The following MTSS2 variants were observed in gnomAD, a reference collection of about 807,000 sequenced individuals.
MTSS2 encodes the protein protein MTSS 2.
In MTSS2, 27 loss-of-function variants were observed where a neutral mutation model predicts 67.1. The ratio of observed to expected loss-of-function variants is 0.40; its 90% CI spans 0.30 to 0.55. The LOEUF is 0.55. Ranked by LOEUF, MTSS2 falls within the 20% of genes least tolerant of loss-of-function variation. MTSS2 has a pLI of 0.43. For missense variants in MTSS2, 1,171 were observed against 1,067.8 expected, an observed-to-expected ratio of 1.10 and a Z score of -1.35; for synonymous variants, 624 against 468.6, an observed-to-expected ratio of 1.33 and a Z score of -4.28.
intron 11 of MTSS2, among the ~76,000 whole-genome samples, chr16:70,668,468 T>A (rs1252367088): frequency 1.3e-5 from 2 of 151,522 alleles, no homozygotes; most frequent in Non-Finnish European, 2.9e-5. Context: ...TGGTGTGGCA[T>A]TGGTATAAGG....
At chr16:70,680,263 C>T (rs985094063) in intron 3 of MTSS2, among the ~76,000 whole-genome samples, 1 of 152,118 alleles carries the variant, frequency 6.6e-6, no homozygotes, top group Admixed American at 6.5e-5. Context: ...GCGCCAGCCT[C>T]CTGCGGCGGC....
At position 70,678,411 on chromosome 16, in the gene MTSS2, T is replaced by G. The variant is rs1290463096; in HGVS notation, c.467-2A>C. 2 of 1,608,240 alleles carry G rather than the reference T, an allele frequency of 1.2e-6. No individual in the cohort carries two copies. The highest frequency in any genetic ancestry group is 1.7e-6 in the Non-Finnish European group (2 of 1,177,426). The stretch of plus-strand genomic sequence containing the variant: ...GCTGGGGCTGCAGGTCTCCTTTCCC[T>G]GGAGGGGTGGGGAGGAGAGGCCTTG... On this transcript the variant is annotated splice_acceptor_variant, in intron 7 of 14. Transcript: ENST00000338779. LOFTEE classifies it high-confidence loss of function.
Position 70,662,712 on chromosome 16 carries a change from C to T in MTSS2, c.*965G>A, listed in dbSNP as rs778669807. ...CCAGACACACACCCTGTATCGTCCC[C>T]TCTCCCCCACACTTAGTCCTCGTCC... On this transcript the variant is annotated 3_prime_UTR_variant, in exon 15 of 15. Coordinates refer to ENST00000338779, the MANE Select transcript of MTSS2 (RefSeq NM_138383.3). The T allele has an allele frequency of 6.5e-6, 1 of 152,674 alleles. No homozygotes were observed. Among genetic ancestry groups the T allele is most frequent in the African/African-American group, 2.4e-5 (1 of 41,414 alleles). The allele number at this position is 152,674 out of a possible 1,614,324, so 9.5% of individuals were successfully genotyped here.
chr16:70,670,174 G>C (rs370600888), intron 11 of MTSS2, among the ~76,000 whole-genome samples: 1 of 152,174 alleles, frequency 6.6e-6, no homozygotes, highest in Non-Finnish European at 1.5e-5. Flanking sequence ...GGGAGTCTGA[G>C]GCAGGACAAT....
At chr16:70,665,919 C>T (rs1227141767) in intron 11 of MTSS2, 2 of 189,390 alleles carry the variant, frequency 1.1e-5, no homozygotes, top group Admixed American at 5.6e-5. Flanking sequence ...AGACAGGACA[C>T]GGGGGAAGTG....
At position 70,661,789 on chromosome 16, in the gene MTSS2, C is replaced by T. The variant is rs2052483105; in HGVS notation, c.*1888G>A. 1 of 179,252 alleles carries T rather than the reference C, an allele frequency of 5.6e-6. No homozygotes were observed. Among genetic ancestry groups the T allele is most frequent in the African/African-American group, 2.4e-5 (1 of 41,662 alleles). 11.1% of individuals were successfully genotyped at this position (179,252 alleles called of 1,614,324 possible). A position where few individuals can be genotyped will look rare whatever the true frequency, so the allele number is the denominator to read the frequency against. ...GCCCCTGCCTCCTTTCCCATCAGGA[C>T]CTCTGACGCCCAGGTCTGCCCACCC... On this transcript the variant is annotated 3_prime_UTR_variant, in exon 15 of 15. Transcript: ENST00000338779.
In MTSS2 at chr16:70,663,841, G is replaced by T. The variant is rs527323734; in HGVS notation, c.2080C>A (p.Pro694Thr). The change falls in exon 15 of 15, where the codon CCC becomes ACC. Residue 694 changes from proline (P) to threonine (T), a missense_variant. Physicochemically the swap from Pro to Thr is conservative, Grantham distance 38. Coordinates refer to ENST00000338779, the MANE Select transcript of MTSS2 (RefSeq NM_138383.3). Reference protein sequence around the residue: ...GAHALGEGQFPFPTALSATPT... With the variant: ...GAHALGEGQFTFPTALSATPT... ...GTGGCCGACAGAGCAGTGGGGAAGG[G>T]GAACTGGCCCTCACCCAGTGCGTGG... 3 of 1,540,700 alleles carry T rather than the reference G, an allele frequency of 1.9e-6. No individual in the cohort carries two copies. The South Asian group carries it at 3.6e-5, about 18-fold the overall frequency.
intron 4 of MTSS2, 30 bp downstream of exon 4, chr16:70,679,941 C>T (rs759398557): frequency 1.3e-6 from 2 of 1,486,370 alleles, no homozygotes; most frequent in Non-Finnish European, 1.8e-6. Flanking sequence ...CGTCCCCCCG[C>T]CCCCCTGCCC....
At position 70,664,158 on chromosome 16, in the gene MTSS2, G is replaced by A. The variant is rs755462362; in HGVS notation, c.1763C>T (p.Pro588Leu). The A allele has an allele frequency of 2.9e-5, 47 of 1,606,972 alleles. No homozygotes were observed. The African/African-American group carries it at 3.1e-4, about 10-fold the overall frequency. ...GGGCGTCTTCACAGGGACGATGGGC[G>A]GCCGGATGGGGATGGGGCCAGCGCT... Reference protein sequence around the residue: ...LSSAGPIPIRPPIVPVKTPTV... With the variant: ...LSSAGPIPIRLPIVPVKTPTV... Residue 588 changes from proline (P) to leucine (L), a missense_variant, in exon 15 of 15, where the codon CCG (proline) becomes CTG (leucine). Coordinates refer to ENST00000338779, the MANE Select transcript of MTSS2 (RefSeq NM_138383.3).
chr16:70,684,161 G>A (rs2053385276), intron 1 of MTSS2, among the ~76,000 whole-genome samples: 1 of 152,192 alleles, frequency 6.6e-6, no homozygotes, highest in South Asian at 2.1e-4. Context: ...GCTGCCAGTG[G>A]TGGTGGGTGG....
rs950102455 is a variant in MTSS2 at position 70,664,062 on chromosome 16, T to A, written c.1859A>T (p.Asp620Val). The A allele has an allele frequency of 1.9e-6, 3 of 1,611,168 alleles. No homozygotes were observed. Among genetic ancestry groups the A allele is most frequent in the Non-Finnish European group, 2.5e-6 (3 of 1,179,360 alleles). The change falls in exon 15 of 15, where the codon GAC becomes GTC. Residue 620 changes from aspartate to valine, a missense_variant. Asp to Val is a radical substitution (Grantham distance 152, BLOSUM62 -3). Transcript: ENST00000338779. The part of the protein sequence containing the change: ...AGSEECVFYT[D>V]ETASPLAPDL... ...CGGTGCCAGGGGTGAGGCGGTCTCG[T>A]CGGTATAGAAGACGCACTCCTCACT... is the stretch of plus-strand genomic sequence containing the variant.
At chr16:70,685,334 G>A (rs1203169167) in intron 1 of MTSS2, among the ~76,000 whole-genome samples, 1 of 152,300 alleles carries the variant, frequency 6.6e-6, no homozygotes, top group African/African-American at 2.4e-5. Context: ...TCTGGGCTCC[G>A]GGGCCGTGGG....
At position 70,664,672 on chromosome 16, in the gene MTSS2, G is replaced by A. The variant is rs1470762293; in HGVS notation, c.1397C>T (p.Ser466Leu). The A allele has an allele frequency of 1.9e-6, 3 of 1,613,258 alleles. No individual in the cohort carries two copies. The highest frequency in any genetic ancestry group is 2.5e-6 in the Non-Finnish European group (3 of 1,179,924). The change falls in exon 14 of 15, where the codon TCG becomes TTG. Residue 466 changes from serine (S) to leucine (L), a missense_variant. By Grantham distance (145) the Ser-to-Leu change is moderately radical. This residue lies in a region of MTSS2 where 924 missense variants were observed against 756.0 expected (regional missense o/e 1.22). Transcript: ENST00000338779. ...GCTGTAGCCGCTGGAGTACTGCAGC[G>A]AGTCCCGGCTGCTCTTCTGGTGCTC... ...SLEHQKSSRD[S>L]LQYSSGYSTQ...
Position 70,678,276 on chromosome 16 carries a change from G to A in MTSS2, c.600C>T (p.Phe200=). The A allele has an allele frequency of 6.2e-7, 1 of 1,611,058 alleles. No homozygotes were observed. The highest frequency in any genetic ancestry group is 1.1e-5 in the South Asian group (1 of 90,984). The change falls in exon 8 of 15, where the codon TTC becomes TTT. Residue 200 remains phenylalanine (F), a synonymous_variant. Transcript: ENST00000338779. ...CCACCACAGGCTGCAGGAAGGTGAT[G>A]AAGGTGCAGAAGCGGCCCCGCTCCT... ...LIEERGRFCT[F]ITFLQPVVNG...
chr16:70,668,048 G>A (rs547905512), intron 11 of MTSS2, among the ~76,000 whole-genome samples: 3 of 149,708 alleles, frequency 2.0e-5, no homozygotes, highest in Non-Finnish European at 3.0e-5. Flanking sequence ...GGAAAGGGCC[G>A]AAAATAGACA....
Position 70,664,132 on chromosome 16 carries a change from T to G in MTSS2, c.1789A>C (p.Thr597Pro). Residue 597 changes from threonine (T) to proline (P), a missense_variant, in exon 15 of 15, where the codon ACG (threonine) becomes CCG (proline). Transcript: ENST00000338779. ...RPPIVPVKTP[T>P]VPDSPGYMGP... Reference sequence around the variant, plus strand: ...ATGTAGCCGGGGGAGTCAGGCACCGTGGGCGTCTTCACAGGGACGATGGGC... The same window carrying G: ...ATGTAGCCGGGGGAGTCAGGCACCGGGGGCGTCTTCACAGGGACGATGGGC... 1 of 1,610,544 alleles carries G rather than the reference T, an allele frequency of 6.2e-7. No individual in the cohort carries two copies. The highest frequency in any genetic ancestry group is 2.2e-5 in the East Asian group (1 of 44,834).
Position 70,662,797 on chromosome 16 carries a change from C to T in MTSS2, c.*880G>A, listed in dbSNP as rs2052535119. 1 of 152,628 alleles carries T rather than the reference C, an allele frequency of 6.6e-6. No homozygotes were observed. The highest frequency in any genetic ancestry group is 2.4e-5 in the African/African-American group (1 of 41,464). 9.5% of individuals were successfully genotyped at this position (152,628 alleles called of 1,614,324 possible). On this transcript the variant is annotated 3_prime_UTR_variant, in exon 15 of 15. Coordinates refer to ENST00000338779, the MANE Select transcript of MTSS2 (RefSeq NM_138383.3). Reference sequence around the variant, plus strand: ...ACCCCACACCTCCTACTGCTCCAGTCACCCCCCGAAAGGTGGCTAAAACTG... The same window carrying T: ...ACCCCACACCTCCTACTGCTCCAGTTACCCCCCGAAAGGTGGCTAAAACTG...
chr16:70,683,736 G>C (rs1418975721), intron 1 of MTSS2, among the ~76,000 whole-genome samples: 1 of 152,164 alleles, frequency 6.6e-6, no homozygotes, highest in African/African-American at 2.4e-5. Flanking sequence ...GGCCTCACGG[G>C]GCAAGCTCAG....
chr16:70,669,578 G>A (rs548964493), intron 11 of MTSS2, among the ~76,000 whole-genome samples: 1 of 152,248 alleles, frequency 6.6e-6, no homozygotes, highest in South Asian at 2.1e-4. Context: ...CACTTTGGGA[G>A]GCCAAGGCGG....
Sources: allele counts gnomAD v4.1 joint callset (sites outside exome capture counted in the v4.1 genomes callset), GRCh38; gene constraint gnomAD v4.1.1; regional missense constraint gnomAD v4.1.1; transcripts MANE v1.5; gene names NCBI Gene and HGNC (gene_info 2026-07-23, HGNC 2026-07-21).